PCDH11X: variants seen among roughly 807,000 people sequenced by gnomAD.
PCDH11X encodes protocadherin-11 X-linked.
In PCDH11X, 18 loss-of-function variants were observed where a neutral mutation model predicts 53.3. The ratio of observed to expected loss-of-function variants is 0.34; its 90% CI spans 0.23 to 0.50. PCDH11X has a LOEUF of 0.50. Among genes scored for constraint, PCDH11X ranks in the 20% least tolerant of loss-of-function variants. The probability of loss-of-function intolerance (pLI) is 0.98; values close to 1 mark genes in which losing one functional copy is unlikely to be tolerated. For missense variants in PCDH11X, 570 were observed against 1,032.4 expected (o/e 0.55, Z 6.14); for synonymous variants, 279 against 393.3 (o/e 0.71, Z 3.44).
intron 10 of PCDH11X, among the ~76,000 whole-genome samples, chrX:92,512,278 T>A (rs1371947760): frequency 8.9e-6 from 1 of 111,999 alleles, no homozygotes; most frequent in Non-Finnish European, 1.9e-5. Flanking sequence ...ATTAAATCAG[T>A]GCTTCCTCTT....
intron 8 of PCDH11X, among the ~76,000 whole-genome samples, chrX:92,352,728 G>A (rs2070085330): frequency 9.0e-6 from 1 of 111,362 alleles, no homozygotes; most frequent in African/African-American, 3.3e-5. Flanking sequence ...CTTCCTGTGA[G>A]CTAAACTGTA....
At chrX:92,075,804 A>T (rs1196305409) in intron 6 of PCDH11X, among the ~76,000 whole-genome samples, 1 of 111,659 alleles carries the variant, frequency 9.0e-6, no homozygotes, top group Non-Finnish European at 1.9e-5. Flanking sequence ...GTGAATAACT[A>T]TCACCTTTTC....
intron 5 of PCDH11X, among the ~76,000 whole-genome samples, chrX:91,839,072 C>G (rs1342610794): frequency 2.7e-5 from 3 of 111,649 alleles, no homozygotes; most frequent in Non-Finnish European, 5.7e-5. Context: ...ATTAATTTAG[C>G]TTACGTTTTT....
chrX:92,524,911 A>G (rs1037253020), intron 10 of PCDH11X, among the ~76,000 whole-genome samples: 8 of 111,481 alleles, frequency 7.2e-5, no homozygotes, highest in African/African-American at 2.6e-4. Flanking sequence ...GAGGAACTCT[A>G]TGATTTCTAA....
At chrX:92,585,410 C>T (rs1248679864) in intron 10 of PCDH11X, among the ~76,000 whole-genome samples, 4 of 98,574 alleles carry the variant, frequency 4.1e-5, no homozygotes, top group African/African-American at 1.2e-4. Context: ...CTCGCTCTGT[C>T]GCCCAGGCTG....
chrX:92,547,572 C>T (rs2074877549), intron 10 of PCDH11X, among the ~76,000 whole-genome samples: 1 of 109,695 alleles, frequency 9.1e-6, no homozygotes, highest in Non-Finnish European at 1.9e-5. Flanking sequence ...ACCTCCTTAA[C>T]ATTTTGAATG....
intron 7 of PCDH11X, among the ~76,000 whole-genome samples, chrX:92,245,998 G>A (rs1318005458): frequency 9.0e-6 from 1 of 111,457 alleles, no homozygotes; most frequent in African/African-American, 3.3e-5. Context: ...AAATCTAATT[G>A]TAAATTTTGG....
chrX:92,481,447 G>C (rs2073504123), intron 10 of PCDH11X, among the ~76,000 whole-genome samples: 1 of 111,313 alleles, frequency 9.0e-6, no homozygotes, highest in Non-Finnish European at 1.9e-5. Flanking sequence ...GTGTGAGCTA[G>C]TGCATGGCCA....
intron 5 of PCDH11X, among the ~76,000 whole-genome samples, chrX:91,855,746 AT>A (rs1382396377): frequency 2.7e-5 from 3 of 110,040 alleles, no homozygotes; most frequent in Non-Finnish European, 5.7e-5. Context: ...TAGGTATTTA[AT>A]TTTTTGTGTG....
At chrX:92,038,372 C>G (rs1335285095) in intron 6 of PCDH11X, among the ~76,000 whole-genome samples, 1 of 110,464 alleles carries the variant, frequency 9.1e-6, no homozygotes, top group Non-Finnish European at 1.9e-5. Context: ...GTCCCAGGAG[C>G]TCCAGCCATG....
chrX:92,232,423 CT>C (rs2067093098), intron 7 of PCDH11X, among the ~76,000 whole-genome samples: 1 of 111,582 alleles, frequency 9.0e-6, no homozygotes. Context: ...TTCCCAAATC[CT>C]GAAAAATACC....
intron 8 of PCDH11X, among the ~76,000 whole-genome samples, chrX:92,383,338 T>G (rs1347052116): frequency 3.0e-5 from 3 of 99,404 alleles, no homozygotes; most frequent in Non-Finnish European, 6.2e-5. Context: ...TTTTTTTTTT[T>G]AATTATACTT....
intron 6 of PCDH11X, among the ~76,000 whole-genome samples, chrX:91,971,058 C>T (rs1225091720): frequency 1.8e-5 from 2 of 111,432 alleles, no homozygotes; most frequent in Non-Finnish European, 3.8e-5. Context: ...TGCATAATTA[C>T]CTGCTCTTTA....
At chrX:92,249,131 A>G (rs1030291334) in intron 7 of PCDH11X, among the ~76,000 whole-genome samples, 27 of 110,826 alleles carry the variant, frequency 2.4e-4, no homozygotes, top group Non-Finnish European at 4.3e-4. Context: ...ATAGTTTGTC[A>G]TACTATTATC....
At chrX:91,989,360 A>G (rs2062280514) in intron 6 of PCDH11X, among the ~76,000 whole-genome samples, 1 of 111,280 alleles carries the variant, frequency 9.0e-6, no homozygotes, top group Non-Finnish European at 1.9e-5. Flanking sequence ...CAGGAGATCA[A>G]GACCATCCTG....
intron 1 of PCDH11X, among the ~76,000 whole-genome samples, chrX:91,796,264 T>C (rs1230876666): frequency 8.9e-6 from 1 of 112,165 alleles, no homozygotes; most frequent in Non-Finnish European, 1.9e-5. Context: ...TATTGGTCTA[T>C]TAATTTTTTT....
chrX:92,134,618 C>T (rs1182722885), intron 6 of PCDH11X, among the ~76,000 whole-genome samples: 2 of 110,600 alleles, frequency 1.8e-5, no homozygotes, highest in African/African-American at 6.6e-5. Context: ...AGTGAAAGCA[C>T]GTTTATTAGG....
chrX:92,288,130 C>T, intron 8 of PCDH11X: 4 of 403,580 alleles, frequency 9.9e-6, no homozygotes, highest in Non-Finnish European at 1.7e-5. Context: ...TGAGAACAGA[C>T]TAATACACGA....
intron 5 of PCDH11X, among the ~76,000 whole-genome samples, chrX:91,860,935 T>A (rs1240027565): frequency 1.8e-5 from 2 of 111,800 alleles, no homozygotes; most frequent in African/African-American, 6.5e-5. Context: ...TTATTTATTT[T>A]TATTTTTTTG....
Sources: gnomAD v4.1 joint callset for allele counts (sites outside exome capture counted in the v4.1 genomes callset) on GRCh38, gnomAD v4.1.1 for gene constraint, MANE v1.5 for transcripts, NCBI Gene and HGNC (gene_info 2026-07-23, HGNC 2026-07-21) for gene names.